The following ASIC2 variants were observed in gnomAD, a reference collection of about 807,000 sequenced individuals.
ASIC2 encodes the protein acid-sensing ion channel 2.
Under a neutral mutation model 57.3 loss-of-function variants are expected in ASIC2, and 25 were observed. The observed-to-expected ratio is 0.44, with a 90% CI of 0.32 to 0.61. The LOEUF is 0.61. ASIC2 is among the 20% of genes least tolerant of loss of function. ASIC2 has a pLI of 0.06. For missense variants in ASIC2, 641 were observed against 738.1 expected (o/e 0.87, Z 1.52); for synonymous variants, 319 against 307.5 (o/e 1.04, Z -0.39).
chr17:34,023,098 G>A (rs1907243472), intron 1 of ASIC2, among the ~76,000 whole-genome samples: 1 of 152,088 alleles, frequency 6.6e-6, no homozygotes. Flanking sequence ...GTGGAACTGA[G>A]AGTCAATTAA....
chr17:33,404,773 T>C (rs1910408807), intron 1 of ASIC2, among the ~76,000 whole-genome samples: 2 of 152,368 alleles, frequency 1.3e-5, no homozygotes, highest in East Asian at 1.9e-4. Context: ...ACTATATTAT[T>C]GTTTCAGTTT....
At chr17:33,423,642 G>A (rs1911118141) in intron 1 of ASIC2, among the ~76,000 whole-genome samples, 2 of 152,150 alleles carry the variant, frequency 1.3e-5, no homozygotes, top group African/African-American at 4.8e-5. Context: ...TCCTTGCCCT[G>A]GTTTCAGCTA....
intron 1 of ASIC2, among the ~76,000 whole-genome samples, chr17:33,711,312 C>G (rs1031059058): frequency 2.0e-5 from 3 of 152,200 alleles, no homozygotes; most frequent in Non-Finnish European, 2.9e-5. Context: ...CCTTTTCTCT[C>G]CCAGTACTCA....
intron 1 of ASIC2, among the ~76,000 whole-genome samples, chr17:33,985,810 A>C (rs115128595): frequency 4.1e-4 from 63 of 152,230 alleles, no homozygotes; most frequent in African/African-American, 1.5e-3. Context: ...TTGGCTGAAA[A>C]AGCCCCCAGG....
chr17:33,875,208 GT>G (rs1258648217), intron 1 of ASIC2, among the ~76,000 whole-genome samples: 2 of 152,306 alleles, frequency 1.3e-5, no homozygotes, highest in African/African-American at 2.4e-5. Flanking sequence ...TATATGCTCA[GT>G]TAATATTTGC....
chr17:34,075,685 C>T (rs1054376586), intron 1 of ASIC2, among the ~76,000 whole-genome samples: 6 of 152,120 alleles, frequency 3.9e-5, no homozygotes, highest in African/African-American at 1.4e-4. Context: ...TCTCTGCCTT[C>T]CTCCTCTCCA....
chr17:33,128,894 A>G (rs2092334680), intron 1 of ASIC2, among the ~76,000 whole-genome samples: 1 of 152,202 alleles, frequency 6.6e-6, no homozygotes, highest in South Asian at 2.1e-4. Context: ...TGAGTGTGCA[A>G]CAAATGCTGA....
intron 1 of ASIC2, among the ~76,000 whole-genome samples, chr17:33,229,495 A>G (rs1908010912): frequency 6.6e-6 from 1 of 152,102 alleles, no homozygotes; most frequent in African/African-American, 2.4e-5. Flanking sequence ...CTGTGGGAGG[A>G]CGCTCTTGGG....
At chr17:33,460,961 A>G (rs571768622) in intron 1 of ASIC2, among the ~76,000 whole-genome samples, 15 of 152,288 alleles carry the variant, frequency 9.8e-5, no homozygotes, top group African/African-American at 3.1e-4. Context: ...AGCCAATTTC[A>G]TTGCCCAGAG....
At chr17:34,126,580 G>A (rs529020372) in intron 1 of ASIC2, among the ~76,000 whole-genome samples, 1 of 152,270 alleles carries the variant, frequency 6.6e-6, no homozygotes, top group South Asian at 2.1e-4. Context: ...CCTCCCTAGG[G>A]AGTTGGCTGA....
At chr17:33,124,409 A>G (rs1161585020) in intron 1 of ASIC2, among the ~76,000 whole-genome samples, 1 of 152,200 alleles carries the variant, frequency 6.6e-6, no homozygotes, top group Non-Finnish European at 1.5e-5. Context: ...GATCTGTAAC[A>G]GACATAATTG....
chr17:33,757,895 C>T (rs953982914), intron 1 of ASIC2, among the ~76,000 whole-genome samples: 9 of 152,302 alleles, frequency 5.9e-5, no homozygotes, highest in African/African-American at 2.2e-4. Flanking sequence ...CCTCAGAGGC[C>T]GACAGTGCTC....
chr17:33,678,311 T>C (rs1275709462), intron 1 of ASIC2, among the ~76,000 whole-genome samples: 1 of 152,142 alleles, frequency 6.6e-6, no homozygotes, highest in Non-Finnish European at 1.5e-5. Context: ...ATATTGACTT[T>C]ATTGTGGTGA....
chr17:33,080,835 T>C (rs2092110331), intron 3 of ASIC2, among the ~76,000 whole-genome samples: 1 of 152,114 alleles, frequency 6.6e-6, no homozygotes, highest in South Asian at 2.1e-4. Context: ...CTGATTCACG[T>C]CCTGGGTGGG....
intron 1 of ASIC2, among the ~76,000 whole-genome samples, chr17:33,686,388 G>C (rs1567688878): frequency 6.6e-6 from 1 of 152,166 alleles, no homozygotes; most frequent in Non-Finnish European, 1.5e-5. Context: ...TCCCCCTGCT[G>C]GGGTGGAGTG....
rs550805966 is a variant in ASIC2, at chr17:33,386,789, C to T, written c.556-274722G>A. Among the ~76,000 whole-genome samples the T allele has an allele frequency of 1.2e-3, 189 of 152,158 alleles. 1 individual carries two copies. Among genetic ancestry groups the T allele is most frequent in the African/African-American group, 4.3e-3 (178 of 41,510 alleles). On this transcript the variant is annotated intron_variant, in intron 1 of 9. Transcript: ENST00000359872. ...CGGCCTCATTTAGTGTCATTTACTG[C>T]ATGACTCGCAGACTTCCTGCGTGTC...
intron 1 of ASIC2, among the ~76,000 whole-genome samples, chr17:33,599,479 C>T (rs571348645): frequency 1.3e-5 from 2 of 152,242 alleles, no homozygotes; most frequent in Admixed American, 6.5e-5. Flanking sequence ...GTGCTGAGGT[C>T]CTCAAGGCCA....
intron 1 of ASIC2, among the ~76,000 whole-genome samples, chr17:33,199,575 T>C (rs934570139): frequency 6.6e-6 from 1 of 152,172 alleles, no homozygotes; most frequent in African/African-American, 2.4e-5. Context: ...AAAGAAGTGA[T>C]TACATAAAGT....
At position 33,014,072 on chromosome 17, in the gene ASIC2, A is replaced by ATCC; in HGVS notation, c.1591-7_1591-6insGGA. 6.3e-7 allele frequency: 1 copy of ATCC among 1,586,134 alleles called. No homozygotes were observed. Among genetic ancestry groups the ATCC allele is most frequent in the South Asian group, 1.1e-5 (1 of 87,228 alleles). On this transcript the variant is annotated splice_region_variant and splice_polypyrimidine_tract_variant and intron_variant, in intron 9 of 9. Transcript: ENST00000225823. ...GGCATTGTGTCACAAGTACTCTGGA[A>ATCC]GGGAAGGGTTGGTGGGAGTTTATTA... is the stretch of plus-strand genomic sequence containing the variant.
Sources: allele counts gnomAD v4.1 joint callset (sites outside exome capture counted in the v4.1 genomes callset), GRCh38; gene constraint gnomAD v4.1.1; transcripts MANE v1.5; gene names NCBI Gene and HGNC (gene_info 2026-07-23, HGNC 2026-07-21).